The following DDX31 variants were observed in gnomAD, a reference collection of about 807,000 sequenced individuals.
DDX31 encodes the protein ATP-dependent DNA helicase DDX31.
Under a neutral mutation model 91.3 loss-of-function variants are expected in DDX31, and 70 were observed. The observed-to-expected ratio is 0.77, with a 90% CI of 0.63 to 0.94. The LOEUF (loss-of-function observed/expected upper bound fraction) is 0.94, where lower values mean the gene tolerates loss of function less well. DDX31 is among the 40% of genes least tolerant of loss of function. The probability of loss-of-function intolerance (pLI) is 0.00; values close to 1 mark genes in which losing one functional copy is unlikely to be tolerated. For synonymous variants in DDX31, 362 were observed against 350.6 expected, an observed-to-expected ratio of 1.03 and a Z score of -0.36; for missense variants, 902 against 925.0, an observed-to-expected ratio of 0.98 and a Z score of 0.32.
Position 132,646,075 on chromosome 9 carries a change from C to T in DDX31, c.1204-4G>A. On this transcript the variant is annotated splice_region_variant and splice_polypyrimidine_tract_variant and intron_variant, in intron 12 of 19. Coordinates refer to ENST00000372159, the MANE Select transcript of DDX31 (RefSeq NM_022779.9). ...CCATCTTCTGGTCTTCCTCAAACTA[C>T]ATCGATACAAAGGGAGGAAAAACCG... The T allele has an allele frequency of 6.2e-7, 1 of 1,612,430 alleles. No individual in the cohort carries two copies. The highest frequency in any genetic ancestry group is 8.5e-7 in the Non-Finnish European group (1 of 1,178,972).
chr9:132,611,125 T>G (rs931398604), intron 19 of DDX31, among the ~76,000 whole-genome samples: 1 of 152,212 alleles, frequency 6.6e-6, no homozygotes, highest in African/African-American at 2.4e-5. Context: ...AGAGTGGTTC[T>G]GCCTGCAGAT....
chr9:132,647,161 C>T (rs540502429), intron 11 of DDX31, 103 bp from the exon 12 acceptor site: 47 of 1,013,780 alleles, frequency 4.6e-5, no homozygotes, highest in Admixed American at 3.4e-4. Flanking sequence ...GTTAGGACTA[C>T]GTATGTTACC....
At chr9:132,647,816 G>A (rs1438307346) in intron 11 of DDX31, among the ~76,000 whole-genome samples, 2 of 152,172 alleles carry the variant, frequency 1.3e-5, no homozygotes, top group African/African-American at 2.4e-5. Flanking sequence ...AGGAGGAAGA[G>A]TGATTACATT....
intron 17 of DDX31, among the ~76,000 whole-genome samples, chr9:132,622,593 T>C (rs1048078838): frequency 2.0e-5 from 3 of 152,214 alleles, no homozygotes; most frequent in Non-Finnish European, 4.4e-5. Flanking sequence ...GGATAAAGAC[T>C]GACACCAATG....
At chr9:132,648,098 G>C in intron 11 of DDX31, 91 bp downstream of exon 11, 1 of 1,057,394 alleles carries the variant, frequency 9.5e-7, no homozygotes, top group Non-Finnish European at 1.4e-6. Flanking sequence ...CCCTGAGGTT[G>C]AGAATCACTG....
At position 132,668,544 on chromosome 9, in the gene DDX31, T is replaced by C. The variant is rs146627230; in HGVS notation, c.75+1316A>G. ...CAGCCCTCGAGAGGTCCTGAGAACATGTGCCCAAGGTGGTCGGGGTGCAGC... is the reference window on the plus strand; with the variant it reads ...CAGCCCTCGAGAGGTCCTGAGAACACGTGCCCAAGGTGGTCGGGGTGCAGC... On this transcript the variant is annotated intron_variant, in intron 1 of 19. Coordinates refer to ENST00000372159, the MANE Select transcript of DDX31 (RefSeq NM_022779.9). Among the ~76,000 whole-genome samples the C allele has an allele frequency of 2.7e-3, 400 of 150,380 alleles. 1 individual carries two copies. The highest frequency in any genetic ancestry group is 9.4e-3 in the African/African-American group (385 of 40,946).
In DDX31 at chr9:132,648,211, C is replaced by CA. The variant is rs750760253; in HGVS notation, c.944dup (p.Leu315PhefsTer15). 6.2e-7 allele frequency: 1 copy of CA among 1,613,782 alleles called. No homozygotes were observed. The highest frequency in any genetic ancestry group is 1.1e-5 in the South Asian group (1 of 90,992). ...CACCTTCTGTGAGTGTCGCTGATAG[C>CA]AAGACATTCTGTCGTTTTTGGCATT... is the stretch of plus-strand genomic sequence containing the variant. On this transcript the variant is annotated frameshift_variant, in exon 11 of 20. Coordinates refer to ENST00000372159, the MANE Select transcript of DDX31 (RefSeq NM_022779.9). LOFTEE classifies it high-confidence loss of function.
intron 17 of DDX31, among the ~76,000 whole-genome samples, chr9:132,624,558 C>T (rs562072450): frequency 6.6e-6 from 1 of 152,322 alleles, no homozygotes; most frequent in Non-Finnish European, 1.5e-5. Flanking sequence ...GAAGTTAAGA[C>T]TTCAAATCCC....
chr9:132,643,601 C>G (rs1414933790), intron 13 of DDX31, among the ~76,000 whole-genome samples: 1 of 152,166 alleles, frequency 6.6e-6, no homozygotes, highest in Non-Finnish European at 1.5e-5. Context: ...CTCACAACAA[C>G]CCTATGTGTA....
Position 132,632,243 on chromosome 9 carries a change from C to T in DDX31, c.1441-152G>A, listed in dbSNP as rs556044202. 2.9e-3 allele frequency: 611 copies of T among 209,820 alleles called. 12 individuals carry two copies. The highest frequency in any genetic ancestry group is 6.1e-3 in the South Asian group (90 of 14,786). 13.0% of individuals were successfully genotyped at this position (209,820 alleles called of 1,614,324 possible). ...TACACGTATATGCCCAGTACGTGTACACACACACACACACACACACACACA... is the reference window on the plus strand; with the variant it reads ...TACACGTATATGCCCAGTACGTGTATACACACACACACACACACACACACA... On this transcript the variant is annotated intron_variant, in intron 14 of 19. Transcript: ENST00000372159.
chr9:132,665,488 C>T (rs917826347), intron 1 of DDX31, among the ~76,000 whole-genome samples: 4 of 152,174 alleles, frequency 2.6e-5, no homozygotes, highest in African/African-American at 9.6e-5. Context: ...GCTAGACTAA[C>T]ATGGCCTCCT....
chr9:132,639,955 C>T (rs978224742), intron 14 of DDX31, among the ~76,000 whole-genome samples: 9 of 152,218 alleles, frequency 5.9e-5, no homozygotes, highest in African/African-American at 2.2e-4. Context: ...GTCTATTAAT[C>T]TCTGTCTTTA....
intron 16 of DDX31, among the ~76,000 whole-genome samples, chr9:132,629,496 A>G (rs576525040): frequency 7.9e-5 from 12 of 152,368 alleles, no homozygotes; most frequent in Non-Finnish European, 1.5e-4. Flanking sequence ...CGGCTCCTGC[A>G]ACTGAGTGGG....
At chr9:132,610,927 TC>T in intron 19 of DDX31, among the ~76,000 whole-genome samples, 1 of 152,272 alleles carries the variant, frequency 6.6e-6, no homozygotes, top group African/African-American at 2.4e-5. Context: ...AATGGTCACT[TC>T]CCTCCACTGG....
chr9:132,616,485 T>C (rs1402672011), intron 18 of DDX31, among the ~76,000 whole-genome samples: 2 of 152,172 alleles, frequency 1.3e-5, no homozygotes, highest in Non-Finnish European at 2.9e-5. Flanking sequence ...TGCCAAAATA[T>C]CTGAGGCATC....
intron 18 of DDX31, among the ~76,000 whole-genome samples, chr9:132,614,335 T>G (rs1303172336): frequency 6.6e-6 from 1 of 152,080 alleles, no homozygotes; most frequent in Non-Finnish European, 1.5e-5. Context: ...AGAAAATCTT[T>G]AACGCTTCAA....
chr9:132,660,441 C>T (rs369209756), intron 4 of DDX31, among the ~76,000 whole-genome samples: 5 of 151,808 alleles, frequency 3.3e-5, no homozygotes, highest in African/African-American at 7.3e-5. Context: ...TGAAACACAA[C>T]GAAACATAAT....
rs1309390011 is a variant in DDX31, at chr9:132,620,965, A to G, written c.1714-2524T>C. 2.0e-5 allele frequency among the ~76,000 whole-genome samples: 3 copies of G among 152,188 alleles called. No individual in the cohort carries two copies. In the East Asian group the frequency reaches 5.8e-4, roughly 29 times the overall value. The stretch of plus-strand genomic sequence containing the variant: ...AATGCACCTTTGTCTCTAACATCCT[A>G]CTGATCTTGGAAAACACAGGCCATC... On this transcript the variant is annotated intron_variant, in intron 17 of 19. Transcript: ENST00000372159.
intron 17 of DDX31, among the ~76,000 whole-genome samples, chr9:132,620,302 T>C (rs1831940142): frequency 6.6e-6 from 1 of 151,994 alleles, no homozygotes; most frequent in Non-Finnish European, 1.5e-5. Flanking sequence ...AAGTGACAGG[T>C]GACTTGCTTC....
Sources: allele counts gnomAD v4.1 joint callset (sites outside exome capture counted in the v4.1 genomes callset), GRCh38; gene constraint gnomAD v4.1.1; transcripts MANE v1.5; gene names NCBI Gene and HGNC (gene_info 2026-07-23, HGNC 2026-07-21).